KANK1: variants seen among roughly 807,000 people sequenced by gnomAD.
The protein encoded by KANK1 is KN motif and ankyrin repeat domains 1.
In KANK1, 109 loss-of-function variants were observed where a neutral mutation model predicts 106.2. The ratio of observed to expected loss-of-function variants is 1.03; its 90% confidence interval spans 0.88 to 1.20. KANK1 has a LOEUF of 1.20. Among genes scored for constraint, KANK1 ranks in the 50% most tolerant of loss-of-function variants. The pLI is 0.00. For synonymous variants in KANK1, 873 were observed against 652.2 expected (o/e 1.34, Z -5.16); for missense variants, 2,399 against 1,710.7 (o/e 1.40, Z -7.10).
At chr9:555,502 A>C (rs1353346507) in intron 1 of KANK1, among the ~76,000 whole-genome samples, 2 of 152,232 alleles carry the variant, frequency 1.3e-5, no homozygotes, top group Non-Finnish European at 2.9e-5. Context: ...TCAGATACCA[A>C]TTAGGTAAAA....
Position 745,411 on chromosome 9 carries a change from A to T in KANK1, c.*176A>T. On this transcript the variant is annotated 3_prime_UTR_variant, in exon 12 of 12. Coordinates refer to ENST00000382297, the MANE Select transcript of KANK1 (RefSeq NM_015158.5). Reference sequence around the variant, plus strand: ...GTGCAGAGACTGCTAGCCTGGGCACACACACCTCCTTTCTGGCCGTCTTCT... The same window carrying T: ...GTGCAGAGACTGCTAGCCTGGGCACTCACACCTCCTTTCTGGCCGTCTTCT... The T allele has an allele frequency of 2.9e-6, 2 of 699,838 alleles. No individual in the cohort carries two copies. The highest frequency in any genetic ancestry group is 3.7e-5 in the South Asian group (2 of 54,672). 43.4% of individuals were successfully genotyped at this position (699,838 alleles called of 1,614,324 possible).
At chr9:690,237 C>G (rs4742255) in intron 2 of KANK1, among the ~76,000 whole-genome samples, 102,592 of 146,164 alleles carry the variant, frequency 0.7, 36,260 homozygotes, top group Middle Eastern at 0.79. Context: ...ACCCGGGAGG[C>G]AGAGGTTGCA....
At chr9:740,166 A>G (rs1302202273) in intron 8 of KANK1, among the ~76,000 whole-genome samples, 1 of 152,220 alleles carries the variant, frequency 6.6e-6, no homozygotes, top group African/African-American at 2.4e-5. Flanking sequence ...TTATCCCTGA[A>G]GACTCCTTAA....
At chr9:633,816 C>G (rs565364814) in intron 1 of KANK1, among the ~76,000 whole-genome samples, 5 of 152,240 alleles carry the variant, frequency 3.3e-5, no homozygotes, top group African/African-American at 9.6e-5. Flanking sequence ...CCACACCTGG[C>G]TAAGTTTTTA....
At chr9:726,336 T>G (rs1048728699) in intron 3 of KANK1, among the ~76,000 whole-genome samples, 13 of 152,124 alleles carry the variant, frequency 8.5e-5, no homozygotes, top group Non-Finnish European at 1.5e-5. Flanking sequence ...TTTTCTAGTT[T>G]CCGTTAAACT....
chr9:591,898 A>T (rs986852850), intron 1 of KANK1, among the ~76,000 whole-genome samples: 1 of 151,636 alleles, frequency 6.6e-6, no homozygotes, highest in African/African-American at 2.4e-5. Context: ...ACCTCAGGTG[A>T]TCCACCCACC....
intron 3 of KANK1, among the ~76,000 whole-genome samples, chr9:719,655 A>T (rs1173118103): frequency 6.6e-6 from 1 of 152,240 alleles, no homozygotes; most frequent in Non-Finnish European, 1.5e-5. Context: ...ATATACCAAT[A>T]ACTAATACCC....
intron 1 of KANK1, among the ~76,000 whole-genome samples, chr9:664,801 G>A (rs1428065842): frequency 1.3e-5 from 2 of 152,164 alleles, no homozygotes; most frequent in African/African-American, 4.8e-5. Context: ...AACAATGTGT[G>A]AGGATTTTTC....
intron 1 of KANK1, among the ~76,000 whole-genome samples, chr9:577,214 T>G (rs926327299): frequency 6.6e-6 from 1 of 152,212 alleles, no homozygotes; most frequent in Non-Finnish European, 1.5e-5. Flanking sequence ...CAGATTTTAT[T>G]CCCTTATTTG....
At chr9:693,885 G>T (rs1424589365) in intron 2 of KANK1, 1 of 918,736 alleles carries the variant, frequency 1.1e-6, no homozygotes, top group East Asian at 1.2e-4. Flanking sequence ...TTGTGAAAAA[G>T]ATTTGCTTTT....
chr9:716,458 G>A (rs1827715978), intron 3 of KANK1, among the ~76,000 whole-genome samples: 2 of 152,176 alleles, frequency 1.3e-5, no homozygotes, highest in African/African-American at 2.4e-5. Context: ...TATTCTGGGT[G>A]ATGCCCCTAC....
intron 2 of KANK1, among the ~76,000 whole-genome samples, chr9:688,842 G>T (rs894960090): frequency 4.6e-5 from 7 of 152,146 alleles, no homozygotes; most frequent in African/African-American, 1.7e-4. Flanking sequence ...TTATTCTCTG[G>T]TGCAGCTTGG....
chr9:711,613 A>C lies in KANK1; in HGVS notation c.847A>C (p.Thr283Pro). 6.2e-7 allele frequency: 1 copy of C among 1,613,980 alleles called. No individual in the cohort carries two copies. The highest frequency in any genetic ancestry group is 2.2e-5 in the East Asian group (1 of 44,870). The change falls in exon 3 of 12, where the codon ACC becomes CCC. Residue 283 changes from threonine (T) to proline (P), a missense_variant. Physicochemically the swap from Thr to Pro is conservative, Grantham distance 38 (BLOSUM62 -1). Coordinates refer to ENST00000382297, the MANE Select transcript of KANK1 (RefSeq NM_015158.5). ...RLKELEEQVR[T>P]IPVLQVKISV... ...GAAGGAGCTGGAGGAGCAGGTGCGA[A>C]CCATCCCTGTGCTCCAGGTAAAGAT... is the stretch of plus-strand genomic sequence containing the variant.
intron 2 of KANK1, among the ~76,000 whole-genome samples, chr9:687,943 C>T (rs901124534): frequency 1.1e-4 from 17 of 152,074 alleles, no homozygotes; most frequent in African/African-American, 3.9e-4. Context: ...CTTAGTAGTC[C>T]TTGTAGAGTC....
chr9:619,678 G>A (rs374381147), intron 1 of KANK1, among the ~76,000 whole-genome samples: 9 of 152,188 alleles, frequency 5.9e-5, no homozygotes, highest in African/African-American at 1.9e-4. Context: ...GCAGATGTTC[G>A]TAGATCAGCC....
At chr9:719,496 TTG>T (rs1403029995) in intron 3 of KANK1, among the ~76,000 whole-genome samples, 2 of 152,230 alleles carry the variant, frequency 1.3e-5, no homozygotes, top group African/African-American at 4.8e-5. Flanking sequence ...CTCTTCTTTT[TTG>T]TGTTTTCAGA....
intron 1 of KANK1, chr9:540,741 C>T (rs1386446935): frequency 6.6e-6 from 1 of 152,140 alleles, no homozygotes; most frequent in Non-Finnish European, 1.5e-5. Flanking sequence ...ATTATTCAGC[C>T]TTGGTGTAAG....
At chr9:476,413 C>T (rs1020227050) in intron 3 of KANK1, among the ~76,000 whole-genome samples, 14 of 151,674 alleles carry the variant, frequency 9.2e-5, no homozygotes, top group Non-Finnish European at 1.5e-4. Flanking sequence ...CCCAGCTACT[C>T]GCGAGGCTGA....
At chr9:664,364 C>A (rs1001044511) in intron 1 of KANK1, among the ~76,000 whole-genome samples, 1 of 152,070 alleles carries the variant, frequency 6.6e-6, no homozygotes, top group Admixed American at 6.5e-5. Context: ...ACATAATGAC[C>A]CCCAGTTTCA....
Sources: gnomAD v4.1 joint callset for allele counts (sites outside exome capture counted in the v4.1 genomes callset) on GRCh38, gnomAD v4.1.1 for gene constraint, MANE v1.5 for transcripts, NCBI Gene and HGNC (gene_info 2026-07-23, HGNC 2026-07-21) for gene names.